The following CNTNAP2 variants were observed in gnomAD, a reference collection of about 807,000 sequenced individuals.
CNTNAP2 encodes the protein contactin-associated protein-like 2.
Under a neutral mutation model 155.2 loss-of-function variants are expected in CNTNAP2, and 98 were observed. The ratio of observed to expected loss-of-function variants is 0.63; its 90% CI spans 0.54 to 0.75. The LOEUF (loss-of-function observed/expected upper bound fraction) is 0.75, where lower values mean the gene tolerates loss of function less well. Ranked by LOEUF, CNTNAP2 falls within the 30% of genes least tolerant of loss-of-function variation. CNTNAP2 has a pLI of 0.00. For synonymous variants in CNTNAP2, 651 were observed against 631.2 expected (o/e 1.03, Z -0.47); for missense variants, 1,727 against 1,688.1 (o/e 1.02, Z -0.40).
intron 6 of CNTNAP2, among the ~76,000 whole-genome samples, chr7:147,126,182 C>G (rs1801230635): frequency 6.6e-6 from 1 of 152,048 alleles, no homozygotes; most frequent in African/African-American, 2.4e-5. Flanking sequence ...AGCTGAAAAG[C>G]ATTATTTTTT....
chr7:147,255,685 T>A (rs1002870655), intron 8 of CNTNAP2, among the ~76,000 whole-genome samples: 6 of 152,038 alleles, frequency 3.9e-5, no homozygotes, highest in African/African-American at 1.4e-4. Flanking sequence ...CACTCTTCCT[T>A]TTGTTTTTAT....
chr7:146,569,907 T>C (rs959745569), intron 1 of CNTNAP2, among the ~76,000 whole-genome samples: 1 of 152,204 alleles, frequency 6.6e-6, no homozygotes, highest in African/African-American at 2.4e-5. Context: ...AAATATTTTA[T>C]GAAAAGCCAT....
At chr7:147,364,807 C>T (rs1796198459) in intron 9 of CNTNAP2, among the ~76,000 whole-genome samples, 1 of 151,694 alleles carries the variant, frequency 6.6e-6, no homozygotes, top group Non-Finnish European at 1.5e-5. Context: ...CGAGATCGCG[C>T]CACTGCACTC....
intron 15 of CNTNAP2, among the ~76,000 whole-genome samples, chr7:148,054,618 G>A (rs986286849): frequency 2.0e-5 from 3 of 152,004 alleles, no homozygotes; most frequent in Non-Finnish European, 4.4e-5. Flanking sequence ...CTTCGCCAGA[G>A]TGCAGAGGCC....
At chr7:148,117,537 G>A (rs1476623443) in intron 15 of CNTNAP2, among the ~76,000 whole-genome samples, 1 of 152,172 alleles carries the variant, frequency 6.6e-6, no homozygotes, top group Admixed American at 6.5e-5. Flanking sequence ...CCAAGGCAGA[G>A]GTGGATGAAA....
intron 1 of CNTNAP2, among the ~76,000 whole-genome samples, chr7:146,591,041 G>A (rs1292758510): frequency 6.6e-6 from 1 of 152,110 alleles, no homozygotes; most frequent in Non-Finnish European, 1.5e-5. Flanking sequence ...CAACCACAGA[G>A]AAAACAGTCC....
In CNTNAP2 at chr7:147,044,175, C is replaced by CAT. The variant is rs988100614; in HGVS notation, c.550+128_550+129dup. ...TGACAATAAACTACCTTCTCATTTACATATATATGTATCTATGCATAGATA... is the reference window on the plus strand; with the variant it reads ...TGACAATAAACTACCTTCTCATTTACATATATATATGTATCTATGCATAGATA... On this transcript the variant is annotated intron_variant, in intron 4 of 23. Coordinates refer to ENST00000361727, the MANE Select transcript of CNTNAP2 (RefSeq NM_014141.6). 18 of 1,056,536 alleles carry CAT rather than the reference C, an allele frequency of 1.7e-5. No homozygotes were observed. The African/African-American group carries it at 2.6e-4, about 15-fold the overall frequency. The allele number at this position is 1,056,536 out of a possible 1,614,324, so 65.4% of individuals were successfully genotyped here.
At chr7:146,419,710 A>C (rs963176652) in intron 1 of CNTNAP2, among the ~76,000 whole-genome samples, 1 of 152,138 alleles carries the variant, frequency 6.6e-6, no homozygotes, top group Non-Finnish European at 1.5e-5. Flanking sequence ...CAAAATTAAA[A>C]ACAGGTATCA....
intron 3 of CNTNAP2, among the ~76,000 whole-genome samples, chr7:146,903,830 ATG>A (rs1796057846): frequency 6.6e-6 from 1 of 152,202 alleles, no homozygotes; most frequent in African/African-American, 2.4e-5. Context: ...ATTAGTAATA[ATG>A]TATATCTCCA....
At position 148,172,726 on chromosome 7, in the gene CNTNAP2, C is replaced by T. The variant is rs1015709886; in HGVS notation, c.3010+248C>T. 3.3e-5 allele frequency among the ~76,000 whole-genome samples: 5 copies of T among 152,034 alleles called. No homozygotes were observed. The South Asian group carries it at 1.0e-3, about 32-fold the overall frequency. On this transcript the variant is annotated intron_variant, in intron 18 of 23. Transcript: ENST00000361727. Reference sequence around the variant, plus strand: ...CAGATTCTAGCAAATTATTCACTGCCCGAAACACTACAAAGGCAGTCTCAT... The same window carrying T: ...CAGATTCTAGCAAATTATTCACTGCTCGAAACACTACAAAGGCAGTCTCAT...
At chr7:146,989,673 G>T (rs1798175080) in intron 3 of CNTNAP2, among the ~76,000 whole-genome samples, 1 of 152,078 alleles carries the variant, frequency 6.6e-6, no homozygotes, top group South Asian at 2.1e-4. Context: ...AGGCACTTAT[G>T]AATAAGTAGG....
intron 1 of CNTNAP2, among the ~76,000 whole-genome samples, chr7:146,432,714 T>C (rs1272952894): frequency 6.6e-6 from 1 of 152,190 alleles, no homozygotes; most frequent in East Asian, 1.9e-4. Context: ...AGTTGCATTA[T>C]TAGAAAAGTG....
chr7:147,977,071 G>A (rs577236183), intron 14 of CNTNAP2, among the ~76,000 whole-genome samples: 50 of 152,154 alleles, frequency 3.3e-4, no homozygotes, highest in African/African-American at 1.1e-3. Flanking sequence ...TGTGCTGCAC[G>A]GGCTCCAAAA....
intron 13 of CNTNAP2, among the ~76,000 whole-genome samples, chr7:147,686,096 A>G (rs763286448): frequency 1.5e-4 from 23 of 152,046 alleles, no homozygotes; most frequent in Non-Finnish European, 3.1e-4. Flanking sequence ...TGCTATACAC[A>G]AGGAAGCAGA....
intron 11 of CNTNAP2, among the ~76,000 whole-genome samples, chr7:147,504,258 GT>G (rs1798867497): frequency 6.6e-6 from 1 of 152,168 alleles, no homozygotes; most frequent in African/African-American, 2.4e-5. Context: ...TGCTGTGGGA[GT>G]AAGTTCAGGG....
intron 1 of CNTNAP2, among the ~76,000 whole-genome samples, chr7:146,564,488 A>C (rs901411118): frequency 6.7e-6 from 1 of 149,670 alleles, no homozygotes; most frequent in Non-Finnish European, 1.5e-5. Flanking sequence ...CATATATCAT[A>C]TATAATTATA....
intron 1 of CNTNAP2, among the ~76,000 whole-genome samples, chr7:146,251,463 A>C (rs2116943817): frequency 6.6e-6 from 1 of 152,238 alleles, no homozygotes; most frequent in African/African-American, 2.4e-5. Context: ...TCCTTGTGTA[A>C]TTTTATAATA....
rs192140072 is a variant in CNTNAP2, at chr7:147,180,444, A to G, written c.1348+47935A>G. Among the ~76,000 whole-genome samples the G allele has an allele frequency of 3.3e-4, 50 of 152,286 alleles. 1 individual carries two copies. Among genetic ancestry groups the G allele is most frequent in the African/African-American group, 1.1e-3 (45 of 41,568 alleles). ...CCAGAAAATCATGAGTTCATACTAC[A>G]GTCCCTCTGCTGCCCCATTTCCAAC... On this transcript the variant is annotated intron_variant, in intron 8 of 23. Transcript: ENST00000361727.
intron 9 of CNTNAP2, among the ~76,000 whole-genome samples, chr7:147,391,989 A>G (rs976202281): frequency 2.0e-5 from 3 of 152,192 alleles, no homozygotes; most frequent in Middle Eastern, 3.4e-3. Context: ...TTCTTTTACT[A>G]TAAACAGAAG....
Sources: allele counts gnomAD v4.1 joint callset (sites outside exome capture counted in the v4.1 genomes callset), GRCh38; gene constraint gnomAD v4.1.1; transcripts MANE v1.5; gene names NCBI Gene and HGNC (gene_info 2026-07-23, HGNC 2026-07-21).